Variants in JAM3 observed in about 807,000 individuals in gnomAD.
The protein encoded by JAM3 is junctional adhesion molecule C.
Under a neutral mutation model 39.4 loss-of-function variants are expected in JAM3, and 31 were observed. That is an observed-to-expected ratio of 0.79 (90% CI 0.59 to 1.06). JAM3 has a LOEUF of 1.06. Among genes scored for constraint, JAM3 ranks in the 50% least tolerant of loss-of-function variants. The pLI, the probability that JAM3 is intolerant of heterozygous loss-of-function variation, is 0.00. For synonymous variants in JAM3, 182 were observed against 148.7 expected, an observed-to-expected ratio of 1.22 and a Z score of -1.63; for missense variants, 455 against 391.4, an observed-to-expected ratio of 1.16 and a Z score of -1.37.
At position 134,139,861 on chromosome 11, in the gene JAM3, AG is replaced by A; in HGVS notation, c.91del (p.Ala31LeufsTer2). The part of the protein sequence containing the change: ...LLLLFRGCLI[G>X]AVNLKSSNRT... The stretch of plus-strand genomic sequence containing the variant: ...TTCTTTCTCCTTCAGGCTGCCTGAT[AG>A]GGGCTGTAAATCTCAAATCCAGCAA... On this transcript the variant is annotated frameshift_variant, in exon 2 of 9. Transcript: ENST00000299106. LOFTEE classifies it high-confidence loss of function. 1 of 1,613,826 alleles carries A rather than the reference AG, an allele frequency of 6.2e-7. No homozygotes were observed. Among genetic ancestry groups the A allele is most frequent in the Non-Finnish European group, 8.5e-7 (1 of 1,179,680 alleles).
intron 1 of JAM3, among the ~76,000 whole-genome samples, chr11:134,071,557 G>A (rs1006696955): frequency 6.6e-6 from 1 of 152,136 alleles, no homozygotes; most frequent in African/African-American, 2.4e-5. Context: ...GTACTCATTA[G>A]TGTTAGGTTT....
At chr11:134,083,329 A>G (rs1232537867) in intron 1 of JAM3, among the ~76,000 whole-genome samples, 2 of 147,286 alleles carry the variant, frequency 1.4e-5, no homozygotes, top group Non-Finnish European at 3.0e-5. Flanking sequence ...TCTCTCTCCA[A>G]CACAGGCAAT....
chr11:134,133,870 A>G (rs1363914017), intron 1 of JAM3, among the ~76,000 whole-genome samples: 1 of 152,222 alleles, frequency 6.6e-6, no homozygotes, highest in Non-Finnish European at 1.5e-5. Context: ...AGTACAAGGC[A>G]TACTAAAAAG....
At chr11:134,074,500 C>T (rs1941532943) in intron 1 of JAM3, among the ~76,000 whole-genome samples, 1 of 152,156 alleles carries the variant, frequency 6.6e-6, no homozygotes, top group South Asian at 2.1e-4. Context: ...ACTGGAAGTT[C>T]AGTTGCTTGA....
chr11:134,129,828 C>G (rs771787042), intron 1 of JAM3, among the ~76,000 whole-genome samples: 1 of 152,102 alleles, frequency 6.6e-6, no homozygotes, highest in Non-Finnish European at 1.5e-5. Context: ...ACGGTGAAAC[C>G]CCATCTCTAC....
intron 1 of JAM3, among the ~76,000 whole-genome samples, chr11:134,108,138 AATG>A (rs1259290911): frequency 6.6e-6 from 1 of 152,140 alleles, no homozygotes; most frequent in Non-Finnish European, 1.5e-5. Context: ...ACATTAAAAG[AATG>A]ATAAGAAAAT....
chr11:134,129,367 C>A (rs147189204), intron 1 of JAM3, among the ~76,000 whole-genome samples: 1 of 152,112 alleles, frequency 6.6e-6, no homozygotes, highest in Non-Finnish European at 1.5e-5. Flanking sequence ...CTGCCCACCT[C>A]GGCCTCTGAA....
At chr11:134,092,345 TTCA>T (rs1345483449) in intron 1 of JAM3, among the ~76,000 whole-genome samples, 3 of 145,172 alleles carry the variant, frequency 2.1e-5, no homozygotes, top group Non-Finnish European at 4.5e-5. Context: ...ACCCTCCTTA[TTCA>T]TCATGTTCCA....
At chr11:134,119,207 T>A (rs1190860643) in intron 1 of JAM3, among the ~76,000 whole-genome samples, 4 of 152,122 alleles carry the variant, frequency 2.6e-5, no homozygotes. Context: ...ATCACAGGCA[T>A]GAGTCAGCAC....
At chr11:134,105,047 C>CA (rs965988435) in intron 1 of JAM3, among the ~76,000 whole-genome samples, 1 of 151,922 alleles carries the variant, frequency 6.6e-6, no homozygotes, top group Non-Finnish European at 1.5e-5. Flanking sequence ...GGCAGAGACA[C>CA]AAAAAAAGAG....
chr11:134,124,660 C>A (rs1209294023), intron 1 of JAM3, among the ~76,000 whole-genome samples: 2 of 151,708 alleles, frequency 1.3e-5, no homozygotes, highest in African/African-American at 4.8e-5. Flanking sequence ...GGTCGCTTTC[C>A]ACTTGTTTCC....
intron 1 of JAM3, among the ~76,000 whole-genome samples, chr11:134,113,697 G>T (rs1273488290): frequency 6.6e-6 from 1 of 152,066 alleles, no homozygotes; most frequent in Non-Finnish European, 1.5e-5. Flanking sequence ...TAATCCTTTG[G>T]GTATATACCC....
At chr11:134,136,773 AC>A (rs1183378548) in intron 1 of JAM3, among the ~76,000 whole-genome samples, 1 of 152,198 alleles carries the variant, frequency 6.6e-6, no homozygotes, top group Non-Finnish European at 1.5e-5. Context: ...TGTGAAACTT[AC>A]CTAGGATAGT....
chr11:134,143,391 G>A (rs980385545), intron 3 of JAM3, among the ~76,000 whole-genome samples: 8 of 152,120 alleles, frequency 5.3e-5, no homozygotes, highest in African/African-American at 1.9e-4. Context: ...CAAATTTTAT[G>A]TCCATTTAAA....
At position 134,149,499 on chromosome 11, in the gene JAM3, A is replaced by C; in HGVS notation, c.*318A>C. 1 of 512,146 alleles carries C rather than the reference A, an allele frequency of 2.0e-6. No individual in the cohort carries two copies. Among genetic ancestry groups the C allele is most frequent in the Non-Finnish European group, 3.6e-6 (1 of 274,974 alleles). The allele number at this position is 512,146 out of a possible 1,614,324, so 31.7% of individuals were successfully genotyped here. A position where few individuals can be genotyped will look rare whatever the true frequency, so the allele number is the denominator to read the frequency against. ...GTGATCTTAAAGAGTTTGCTCACGT[A>C]AACGCCCGTGCTGGGCCCTGTGAAG... On this transcript the variant is annotated 3_prime_UTR_variant, in exon 9 of 9. Coordinates refer to ENST00000299106, the MANE Select transcript of JAM3 (RefSeq NM_032801.5).
intron 1 of JAM3, among the ~76,000 whole-genome samples, chr11:134,110,593 A>G (rs772393941): frequency 1.1e-4 from 17 of 152,206 alleles, no homozygotes; most frequent in Non-Finnish European, 2.2e-4. Context: ...AGGAAATCCA[A>G]ACTAGTGACA....
At chr11:134,107,070 C>T (rs925007934) in intron 1 of JAM3, among the ~76,000 whole-genome samples, 2 of 152,082 alleles carry the variant, frequency 1.3e-5, no homozygotes, top group African/African-American at 2.4e-5. Flanking sequence ...TAGCAAAGAC[C>T]TGGAACCAAC....
intron 1 of JAM3, among the ~76,000 whole-genome samples, chr11:134,095,532 C>G (rs1471018430): frequency 1.3e-5 from 2 of 151,612 alleles, no homozygotes; most frequent in Non-Finnish European, 2.9e-5. Context: ...TCAGGAGGCT[C>G]AGGCAGGAGA....
chr11:134,129,094 A>G (rs1942711649), intron 1 of JAM3, among the ~76,000 whole-genome samples: 1 of 149,930 alleles, frequency 6.7e-6, no homozygotes, highest in East Asian at 2.0e-4. Context: ...TCCCCTGTGC[A>G]GGCACATCCC....
Sources: allele counts gnomAD v4.1 joint callset (sites outside exome capture counted in the v4.1 genomes callset), GRCh38; gene constraint gnomAD v4.1.1; transcripts MANE v1.5; gene names NCBI Gene and HGNC (gene_info 2026-07-23, HGNC 2026-07-21).